Variants in TRPM3 observed in about 807,000 individuals in gnomAD.
The protein encoded by TRPM3 is transient receptor potential cation channel subfamily M member 3, also known as long transient receptor potential channel 3.
In TRPM3, 77 loss-of-function variants were observed where a neutral mutation model predicts 181.2. The observed-to-expected ratio is 0.42, with a 90% CI of 0.35 to 0.51. The LOEUF is 0.51. Among genes scored for constraint, TRPM3 ranks in the 20% least tolerant of loss-of-function variants. TRPM3 has a pLI of 0.01. For missense variants in TRPM3, 1,759 were observed against 2,196.7 expected, an observed-to-expected ratio of 0.80 and a Z score of 3.98; for synonymous variants, 745 against 796.4, an observed-to-expected ratio of 0.94 and a Z score of 1.09.
At chr9:70,771,616 T>C (rs2080284380) in intron 7 of TRPM3, among the ~76,000 whole-genome samples, 2 of 152,088 alleles carry the variant, frequency 1.3e-5, no homozygotes, top group African/African-American at 4.8e-5. Flanking sequence ...AGGTATTTAG[T>C]CCCTTCTATA....
At chr9:71,096,560 G>GCACACACACACA (rs35388140) in intron 1 of TRPM3, among the ~76,000 whole-genome samples, 26 of 78,396 alleles carry the variant, frequency 3.3e-4, no homozygotes, top group African/African-American at 1.6e-3. Flanking sequence ...GTGAGCGCAT[G>GCACACACACACA]CACACACACA....
At chr9:70,628,744 G>A (rs545378229) in intron 12 of TRPM3, among the ~76,000 whole-genome samples, 1 of 149,388 alleles carries the variant, frequency 6.7e-6, no homozygotes, top group Non-Finnish European at 1.5e-5. Flanking sequence ...GCTTGAACCC[G>A]GGAGGCAGAT....
chr9:70,584,507 T>C (rs1192784155), intron 22 of TRPM3, among the ~76,000 whole-genome samples: 1 of 152,206 alleles, frequency 6.6e-6, no homozygotes, highest in Non-Finnish European at 1.5e-5. Context: ...CAGAAGAATC[T>C]AGCTTCAAGA....
chr9:71,377,888 A>G (rs2092703991), intron 1 of TRPM3, among the ~76,000 whole-genome samples: 1 of 152,034 alleles, frequency 6.6e-6, no homozygotes, highest in South Asian at 2.1e-4. Flanking sequence ...GGAACCATGT[A>G]TGGTTTTTAT....
intron 1 of TRPM3, among the ~76,000 whole-genome samples, chr9:71,088,779 C>CT (rs34626472): frequency 0.23 from 34,991 of 151,588 alleles, 4,751 homozygotes; most frequent in East Asian, 0.33. Context: ...TTAAACTTTC[C>CT]TTTTTTTGAA....
chr9:70,891,062 C>T (rs1002382906), intron 1 of TRPM3, among the ~76,000 whole-genome samples: 4 of 152,008 alleles, frequency 2.6e-5, no homozygotes, highest in African/African-American at 7.3e-5. Flanking sequence ...AGGAGATATA[C>T]CTAATGTCAA....
chr9:71,031,127 T>C (rs1590803868), intron 1 of TRPM3, among the ~76,000 whole-genome samples: 1 of 152,216 alleles, frequency 6.6e-6, no homozygotes, highest in East Asian at 1.9e-4. Context: ...ACATTTTTAA[T>C]ATTATAATTC....
At chr9:71,121,707 T>TGG (rs1034325767), upstream of TRPM3, 8 of 938,186 alleles carry the variant, frequency 8.5e-6, no homozygotes, top group African/African-American at 1.1e-4. Flanking sequence ...TAGCTTGGTT[T>TGG]GGGGGGGAGC....
At chr9:70,982,916 G>A (rs1417255934) in intron 1 of TRPM3, among the ~76,000 whole-genome samples, 4 of 152,024 alleles carry the variant, frequency 2.6e-5, no homozygotes, top group African/African-American at 9.7e-5. Flanking sequence ...GGCCAGGCTG[G>A]TCTCAAACTC....
intron 1 of TRPM3, among the ~76,000 whole-genome samples, chr9:71,087,509 C>T (rs1420048040): frequency 2.0e-5 from 3 of 151,972 alleles, no homozygotes; most frequent in Non-Finnish European, 4.4e-5. Context: ...CTATGACCAC[C>T]CTTTGAACTC....
intron 1 of TRPM3, among the ~76,000 whole-genome samples, chr9:71,096,590 A>ACTCTCTCTCTCTCTCTCTCTCTCT (rs71367255): frequency 8.9e-5 from 8 of 90,038 alleles, no homozygotes; most frequent in African/African-American, 3.6e-4. Context: ...ACACACACAC[A>ACTCTCTCTCTCTCTCTCTCTCTCT]CTCTCTCTCT....
intron 18 of TRPM3, among the ~76,000 whole-genome samples, chr9:70,614,079 A>G (rs1372165512): frequency 6.6e-6 from 1 of 151,918 alleles, no homozygotes; most frequent in Non-Finnish European, 1.5e-5. Flanking sequence ...CCCTTAACCT[A>G]TTGTCTAAAA....
chr9:71,302,647 G>A (rs1042740612), intron 1 of TRPM3, among the ~76,000 whole-genome samples: 1 of 152,122 alleles, frequency 6.6e-6, no homozygotes, highest in Non-Finnish European at 1.5e-5. Context: ...AACAATACTT[G>A]TAAGAGCCAG....
intron 1 of TRPM3, among the ~76,000 whole-genome samples, chr9:70,994,040 G>A (rs893865188): frequency 3.9e-5 from 6 of 152,010 alleles, no homozygotes; most frequent in African/African-American, 1.4e-4. Flanking sequence ...AGTTATTAAC[G>A]GTCACTATGT....
At chr9:71,065,854 G>A (rs1340456010) in intron 1 of TRPM3, among the ~76,000 whole-genome samples, 3 of 152,128 alleles carry the variant, frequency 2.0e-5, no homozygotes, top group African/African-American at 4.8e-5. Context: ...AACACAATAC[G>A]TGTGAGCCTG....
chr9:71,392,482 G>A (rs1358651827), intron 1 of TRPM3, among the ~76,000 whole-genome samples: 3 of 151,944 alleles, frequency 2.0e-5, no homozygotes, highest in Admixed American at 6.6e-5. Flanking sequence ...ATTTTGTTGG[G>A]GTATTTTTTG....
intron 1 of TRPM3, among the ~76,000 whole-genome samples, chr9:71,251,772 C>G (rs1207426948): frequency 6.6e-6 from 1 of 152,098 alleles, no homozygotes; most frequent in East Asian, 1.9e-4. Flanking sequence ...TGGCTATAAT[C>G]ACCCTGTTGT....
At chr9:71,173,951 G>A (rs1225582761) in intron 1 of TRPM3, among the ~76,000 whole-genome samples, 1 of 152,074 alleles carries the variant, frequency 6.6e-6, no homozygotes, top group Non-Finnish European at 1.5e-5. Flanking sequence ...CACATTCACT[G>A]CACTCAAAGA....
intron 1 of TRPM3, among the ~76,000 whole-genome samples, chr9:71,304,582 G>C (rs1043858941): frequency 6.6e-6 from 1 of 152,142 alleles, no homozygotes; most frequent in Admixed American, 6.6e-5. Flanking sequence ...AAGCCTAAAT[G>C]AATTATTCTC....
Sources: allele counts gnomAD v4.1 joint callset (sites outside exome capture counted in the v4.1 genomes callset), GRCh38; gene constraint gnomAD v4.1.1; transcripts MANE v1.5; gene names NCBI Gene and HGNC (gene_info 2026-07-23, HGNC 2026-07-21).